Variants in CDH12 observed in about 807,000 individuals in gnomAD.
The protein encoded by CDH12 is cadherin 12.
CDH12 carries 41 observed loss-of-function variants against 74.1 expected under a neutral mutation model. The observed-to-expected ratio is 0.55, with a 90% CI of 0.43 to 0.72. The LOEUF (loss-of-function observed/expected upper bound fraction) is 0.72. CDH12 is among the 30% of genes least tolerant of loss of function. The pLI is 0.00. For missense variants in CDH12, 945 were observed against 977.2 expected (o/e 0.97, Z 0.44); for synonymous variants, 399 against 355.0 (o/e 1.12, Z -1.39).
intron 2 of CDH12, among the ~76,000 whole-genome samples, chr5:22,461,983 T>C (rs1319422184): frequency 6.6e-6 from 1 of 152,162 alleles, no homozygotes; most frequent in Non-Finnish European, 1.5e-5. Flanking sequence ...ATATTATGCA[T>C]TTATTAATTC....
At chr5:22,585,785 GT>G (rs2126790611) in intron 1 of CDH12, among the ~76,000 whole-genome samples, 1 of 151,882 alleles carries the variant, frequency 6.6e-6, no homozygotes, top group African/African-American at 2.4e-5. Flanking sequence ...GAGCTTTATG[GT>G]TTCTAGGTCG....
At chr5:21,976,121 C>T (rs1370597980) in intron 5 of CDH12, among the ~76,000 whole-genome samples, 2 of 152,108 alleles carry the variant, frequency 1.3e-5, no homozygotes, top group Admixed American at 6.6e-5. Flanking sequence ...GAGTTTACCA[C>T]TATGATTGGT....
At chr5:22,713,113 A>G (rs1374873644) in intron 1 of CDH12, among the ~76,000 whole-genome samples, 3 of 141,706 alleles carry the variant, frequency 2.1e-5, no homozygotes, top group East Asian at 4.2e-4. Flanking sequence ...TTTACTTTCC[A>G]TATGATCTTA....
chr5:21,783,578 T>A, intron 10 of CDH12, 84 bp from the exon 11 acceptor site: 1 of 1,016,326 alleles, frequency 9.8e-7, no homozygotes, highest in Non-Finnish European at 1.5e-6. Flanking sequence ...CACAGTTCCT[T>A]ATTTTTCTCC....
At chr5:22,845,136 T>C (rs1184519979) in intron 1 of CDH12, among the ~76,000 whole-genome samples, 3 of 152,132 alleles carry the variant, frequency 2.0e-5, no homozygotes, top group East Asian at 1.9e-4. Flanking sequence ...TATTCATCCA[T>C]ATTATTTTGC....
chr5:22,202,623 C>T (rs1007243091), intron 4 of CDH12, among the ~76,000 whole-genome samples: 19 of 152,032 alleles, frequency 1.2e-4, no homozygotes, highest in African/African-American at 3.4e-4. Flanking sequence ...TTTGTTAGGT[C>T]GCAGTCAGGA....
intron 3 of CDH12, among the ~76,000 whole-genome samples, chr5:22,378,297 G>T (rs1399860875): frequency 2.6e-5 from 4 of 152,046 alleles, no homozygotes; most frequent in Non-Finnish European, 5.9e-5. Flanking sequence ...TTTTTCTTCT[G>T]ATAAATATAG....
At chr5:22,198,916 G>C (rs1750770997) in intron 4 of CDH12, among the ~76,000 whole-genome samples, 1 of 146,592 alleles carries the variant, frequency 6.8e-6, no homozygotes. Flanking sequence ...AAAAAAAGCA[G>C]ATAGGAAAAT....
chr5:22,648,597 G>A (rs934583524), intron 1 of CDH12, among the ~76,000 whole-genome samples: 4 of 151,700 alleles, frequency 2.6e-5, no homozygotes, highest in Non-Finnish European at 2.9e-5. Flanking sequence ...CATACACGCA[G>A]GTTTAAATAA....
chr5:22,520,562 G>T (rs924330684), intron 1 of CDH12, among the ~76,000 whole-genome samples: 1 of 151,970 alleles, frequency 6.6e-6, no homozygotes, highest in Non-Finnish European at 1.5e-5. Context: ...TATCCAACCT[G>T]GCTTAAAATA....
intron 10 of CDH12, among the ~76,000 whole-genome samples, chr5:21,797,538 G>C (rs1277116949): frequency 6.6e-6 from 1 of 152,064 alleles, no homozygotes; most frequent in Non-Finnish European, 1.5e-5. Context: ...TCTGTCTTTT[G>C]ACAACCCCTT....
chr5:21,927,064 A>C, intron 6 of CDH12, among the ~76,000 whole-genome samples: 1 of 152,236 alleles, frequency 6.6e-6, no homozygotes, highest in Middle Eastern at 3.2e-3. Flanking sequence ...ATAGCAAACA[A>C]GTCAGCATGG....
chr5:22,030,674 CAA>C (rs1266547374), intron 5 of CDH12, among the ~76,000 whole-genome samples: 1 of 152,150 alleles, frequency 6.6e-6, no homozygotes, highest in African/African-American at 2.4e-5. Context: ...TAGCCTCTAA[CAA>C]AAGAGTCAGC....
intron 3 of CDH12, among the ~76,000 whole-genome samples, chr5:22,267,282 T>C (rs987562893): frequency 2.0e-5 from 3 of 152,168 alleles, no homozygotes; most frequent in Non-Finnish European, 4.4e-5. Context: ...CTGTTATGAG[T>C]AACGTGTTTT....
intron 3 of CDH12, among the ~76,000 whole-genome samples, chr5:22,268,891 A>G (rs1357400702): frequency 6.6e-6 from 1 of 152,074 alleles, no homozygotes; most frequent in East Asian, 1.9e-4. Context: ...CTCCTAATAA[A>G]AGTTCTATGA....
At chr5:22,443,176 G>A (rs1242392337) in intron 2 of CDH12, among the ~76,000 whole-genome samples, 1 of 152,102 alleles carries the variant, frequency 6.6e-6, no homozygotes, top group Non-Finnish European at 1.5e-5. Flanking sequence ...TCTAGATAAA[G>A]ATCATCATCA....
chr5:22,100,147 G>A (rs1676703994), intron 4 of CDH12, among the ~76,000 whole-genome samples: 1 of 152,048 alleles, frequency 6.6e-6, no homozygotes, highest in Admixed American at 6.6e-5. Flanking sequence ...GAACTACAAA[G>A]CTATCAACTG....
chr5:21,940,022 A>C (rs1212946587), intron 6 of CDH12, among the ~76,000 whole-genome samples: 1 of 152,112 alleles, frequency 6.6e-6, no homozygotes, highest in Non-Finnish European at 1.5e-5. Flanking sequence ...GGAGTTTTAG[A>C]CCAGGCTGGC....
At chr5:21,919,275 T>C (rs1754245653) in intron 6 of CDH12, among the ~76,000 whole-genome samples, 1 of 152,208 alleles carries the variant, frequency 6.6e-6, no homozygotes, top group Admixed American at 6.5e-5. Flanking sequence ...TTCTCTCTTG[T>C]TATTGCTTAT....
Sources: allele counts gnomAD v4.1 joint callset (sites outside exome capture counted in the v4.1 genomes callset), GRCh38; gene constraint gnomAD v4.1.1; transcripts MANE v1.5; gene names NCBI Gene and HGNC (gene_info 2026-07-23, HGNC 2026-07-21).